CMKLR1: variants seen among roughly 807,000 people sequenced by gnomAD.
The protein encoded by CMKLR1 is chemerin chemokine-like receptor 1.
Under a neutral mutation model 8.2 loss-of-function variants are expected in CMKLR1, and 6 were observed. The observed-to-expected ratio is 0.73, with a 90% CI of 0.40 to 1.44. The LOEUF is 1.44. CMKLR1 is among the 40% of genes most tolerant of loss of function. The probability of loss-of-function intolerance (pLI) is 0.02; values close to 1 mark genes in which losing one functional copy is unlikely to be tolerated. For synonymous variants in CMKLR1, 178 were observed against 181.2 expected, an observed-to-expected ratio of 0.98 and a Z score of 0.14; for missense variants, 429 against 478.0, an observed-to-expected ratio of 0.90 and a Z score of 0.96.
At position 108,299,319 on chromosome 12, in the gene CMKLR1, C is replaced by T. The variant is rs183066926; in HGVS notation, c.-73-5655G>A. 4.9e-4 allele frequency among the ~76,000 whole-genome samples: 75 copies of T among 152,326 alleles called. 4 individuals are homozygous for T. Among genetic ancestry groups the T allele is most frequent in the Admixed American group, 4.4e-3 (67 of 15,302 alleles). On this transcript the variant is annotated intron_variant, in intron 2 of 3. Transcript: ENST00000550402. ...CAACTGAAACTTCTCTTGACCAACA[C>T]ATTTGCTAGGTGGCAGTCTCTAAAA...
intron 1 of CMKLR1, among the ~76,000 whole-genome samples, chr12:108,331,227 C>A (rs1175699943): frequency 1.3e-5 from 2 of 152,212 alleles, no homozygotes; most frequent in Admixed American, 1.3e-4. Context: ...ATCCTAACTA[C>A]TACCCTATGT....
chr12:108,318,099 C>T (rs561316832), intron 2 of CMKLR1, among the ~76,000 whole-genome samples: 1 of 152,332 alleles, frequency 6.6e-6, no homozygotes, highest in African/African-American at 2.4e-5. Context: ...GGTAGATTTG[C>T]CAGCATTTAA....
At chr12:108,334,471 A>G (rs556739056) in intron 1 of CMKLR1, among the ~76,000 whole-genome samples, 1 of 152,352 alleles carries the variant, frequency 6.6e-6, no homozygotes, top group Non-Finnish European at 1.5e-5. Flanking sequence ...CAGTGGCTGT[A>G]ATACTTGGTC....
intron 1 of CMKLR1, among the ~76,000 whole-genome samples, chr12:108,330,873 C>G (rs1249634371): frequency 6.6e-6 from 1 of 152,154 alleles, no homozygotes; most frequent in Non-Finnish European, 1.5e-5. Context: ...CAAAGATAAT[C>G]CAGCCCTCAA....
intron 1 of CMKLR1, among the ~76,000 whole-genome samples, chr12:108,330,654 A>G (rs1892083704): frequency 6.6e-6 from 1 of 152,248 alleles, no homozygotes; most frequent in Non-Finnish European, 1.5e-5. Flanking sequence ...CATCAGAGAG[A>G]ACCCCAGCAG....
In CMKLR1 at chr12:108,334,901, T is replaced by C. The variant is rs371363212; in HGVS notation, c.-287+4126A>G. Among the ~76,000 whole-genome samples the C allele has an allele frequency of 2.0e-5, 3 of 152,214 alleles. No homozygotes were observed. In the East Asian group the frequency reaches 5.8e-4, roughly 29 times the overall value. ...ACCTTTGGCTTAATAACCCGCAGCA[T>C]GTTCTATCAAACCATTATTCTTATT... On this transcript the variant is annotated intron_variant, in intron 1 of 3. Coordinates refer to ENST00000550402, the MANE Select transcript of CMKLR1 (RefSeq NM_001142343.2).
chr12:108,329,801 T>C (rs1284214459), intron 2 of CMKLR1, among the ~76,000 whole-genome samples, 194 bp downstream of exon 2: 2 of 152,234 alleles, frequency 1.3e-5, no homozygotes, highest in African/African-American at 4.8e-5. Context: ...TAAATGCTTG[T>C]GAAGTGAACA....
intron 2 of CMKLR1, among the ~76,000 whole-genome samples, chr12:108,297,858 T>C (rs764015747): frequency 2.0e-5 from 3 of 152,226 alleles, no homozygotes; most frequent in Non-Finnish European, 4.4e-5. Context: ...GCCACCTTCA[T>C]AGATTTCCCT....
intron 2 of CMKLR1, among the ~76,000 whole-genome samples, chr12:108,308,703 C>A (rs1462386595): frequency 1.3e-5 from 2 of 152,206 alleles, no homozygotes; most frequent in Non-Finnish European, 2.9e-5. Flanking sequence ...TGACTCAAAT[C>A]CCTCAGGAGG....
At chr12:108,322,776 T>C (rs1457785523) in intron 2 of CMKLR1, among the ~76,000 whole-genome samples, 1 of 152,186 alleles carries the variant, frequency 6.6e-6, no homozygotes, top group Non-Finnish European at 1.5e-5. Context: ...TTCCATGCTG[T>C]TTGTGCAGCC....
chr12:108,301,238 G>A (rs1891262317), intron 2 of CMKLR1, among the ~76,000 whole-genome samples: 1 of 151,904 alleles, frequency 6.6e-6, no homozygotes, highest in South Asian at 2.1e-4. Flanking sequence ...ACCACGCCCA[G>A]CTAACTTTTT....
Position 108,331,437 on chromosome 12 carries a change from T to C in CMKLR1, c.-286-1230A>G, listed in dbSNP as rs1294034295. On this transcript the variant is annotated intron_variant, in intron 1 of 3. Transcript: ENST00000550402. The stretch of plus-strand genomic sequence containing the variant: ...CATCCATTCTAATTGGTCAATACTC[T>C]GCTGAACCAACTGTCAATAGATGGC... Among the ~76,000 whole-genome samples the C allele has an allele frequency of 2.5e-5, 3 of 119,726 alleles. No individual in the cohort carries two copies. The Admixed American group carries it at 2.8e-4, about 11-fold the overall frequency. 78.5% of individuals were successfully genotyped at this position (119,726 alleles called of 152,430 possible).
chr12:108,293,376 G>GT (rs1471333599), intron 3 of CMKLR1, among the ~76,000 whole-genome samples: 2 of 152,188 alleles, frequency 1.3e-5, no homozygotes, highest in African/African-American at 4.8e-5. Flanking sequence ...CTAGAGCCTA[G>GT]TGGGGGAGAC....
At chr12:108,294,556 T>C (rs1445297154) in intron 2 of CMKLR1, among the ~76,000 whole-genome samples, 1 of 152,202 alleles carries the variant, frequency 6.6e-6, no homozygotes, top group Admixed American at 6.5e-5. Flanking sequence ...TTCTTACCAA[T>C]AAATGGGATT....
rs1350861905 is a variant in CMKLR1 at position 108,292,069 on chromosome 12, C to G, written c.894G>C (p.Leu298Phe). 6.2e-7 allele frequency: 1 copy of G among 1,614,162 alleles called. No individual in the cohort carries two copies. Among genetic ancestry groups the G allele is most frequent in the South Asian group, 1.1e-5 (1 of 91,084 alleles). The change falls in exon 4 of 4, where the codon TTG becomes TTC. Residue 298 changes from leucine to phenylalanine, a missense_variant. Transcript: ENST00000550402. ...CAATGGCAAGGGCAGTGGCCAGGGGCAAACCCAGGCTGAAGACAGAGCCAG... is the reference window on the plus strand; with the variant it reads ...CAATGGCAAGGGCAGTGGCCAGGGGGAAACCCAGGCTGAAGACAGAGCCAG... ...AMPGSVFSLG[L>F]PLATALAIAN... is the part of the protein sequence containing the mutation.
chr12:108,293,058 C>A, intron 3 of CMKLR1, 99 bp from the exon 4 acceptor site: 2 of 1,151,186 alleles, frequency 1.7e-6, no homozygotes, highest in East Asian at 2.4e-5. Flanking sequence ...TGACTCTGAG[C>A]AAGTCCAGTT....
At chr12:108,325,630 G>A (rs1891965681) in intron 2 of CMKLR1, among the ~76,000 whole-genome samples, 1 of 152,084 alleles carries the variant, frequency 6.6e-6, no homozygotes, top group African/African-American at 2.4e-5. Flanking sequence ...AACCCTATGA[G>A]GCAACATCAT....
At chr12:108,310,135 C>T (rs1891512144) in intron 2 of CMKLR1, among the ~76,000 whole-genome samples, 2 of 149,940 alleles carry the variant, frequency 1.3e-5, no homozygotes, top group African/African-American at 5.0e-5. Context: ...TGCAGAGGAA[C>T]AGAGGCTTGA....
rs897753056 is a variant in CMKLR1, at chr12:108,290,530, G to A, written c.*1311C>T. ...TTCCAAATAGAAGAACAGAGTTTCT[G>A]GAGCCAGACGGAGCCAGGTTCAGAT... On this transcript the variant is annotated 3_prime_UTR_variant, in exon 4 of 4. Coordinates refer to ENST00000550402, the MANE Select transcript of CMKLR1 (RefSeq NM_001142343.2). The A allele has an allele frequency of 3.9e-5, 6 of 152,368 alleles. No individual in the cohort carries two copies. In the East Asian group the frequency reaches 1.2e-3, roughly 29 times the overall value. The allele number at this position is 152,368 out of a possible 1,614,324, so 9.4% of individuals were successfully genotyped here. A position where few individuals can be genotyped will look rare whatever the true frequency, so the allele number is the denominator to read the frequency against.
Sources: allele counts gnomAD v4.1 joint callset (sites outside exome capture counted in the v4.1 genomes callset), GRCh38; gene constraint gnomAD v4.1.1; transcripts MANE v1.5; gene names NCBI Gene and HGNC (gene_info 2026-07-23, HGNC 2026-07-21).